The following ADGRD1 variants were observed in gnomAD, a reference collection of about 807,000 sequenced individuals.
The protein encoded by ADGRD1 is adhesion G protein-coupled receptor D1.
Under a neutral mutation model 113.4 loss-of-function variants are expected in ADGRD1, and 77 were observed. The ratio of observed to expected loss-of-function variants is 0.68; its 90% CI spans 0.57 to 0.82. The LOEUF (loss-of-function observed/expected upper bound fraction) is 0.82, where lower values mean the gene tolerates loss of function less well. ADGRD1 is among the 40% of genes least tolerant of loss of function. The pLI, the probability that ADGRD1 is intolerant of heterozygous loss-of-function variation, is 0.00. For synonymous variants in ADGRD1, 474 were observed against 475.0 expected (o/e 1.00, Z 0.03); for missense variants, 1,036 against 1,139.1 (o/e 0.91, Z 1.30).
chr12:130,989,328 C>T (rs1212147924), intron 6 of ADGRD1: 1 of 152,218 alleles, frequency 6.6e-6, no homozygotes, highest in East Asian at 1.9e-4. Context: ...GGTTCTTGTT[C>T]TTGTCAGAGC....
intron 13 of ADGRD1, among the ~76,000 whole-genome samples, chr12:131,046,881 GC>G (rs1882886458): frequency 7.0e-6 from 1 of 143,442 alleles, no homozygotes; most frequent in Non-Finnish European, 1.5e-5. Flanking sequence ...CCTGGTCAGT[GC>G]TCCCTCCCTG....
At position 131,057,155 on chromosome 12, in the gene ADGRD1, A is replaced by C. The variant is rs1883934759; in HGVS notation, c.1474-19646A>C. ...TGAAGTGGAGGAAATTGTTGCAGGA[A>C]ATAATCACAGGCTACCCCCGCTGTG... On this transcript the variant is annotated intron_variant, in intron 13 of 24. Coordinates refer to ENST00000261654, the MANE Select transcript of ADGRD1 (RefSeq NM_198827.5). This position sits in a 1 kb window ranked among gnomAD's most constrained non-coding sequence, Gnocchi z 4.2. 6.6e-6 allele frequency among the ~76,000 whole-genome samples: 1 copy of C among 152,170 alleles called. No individual in the cohort carries two copies. The highest frequency in any genetic ancestry group is 1.5e-5 in the Non-Finnish European group (1 of 68,032).
intron 13 of ADGRD1, among the ~76,000 whole-genome samples, chr12:131,063,031 G>A (rs879943582): frequency 3.3e-5 from 5 of 151,982 alleles, no homozygotes; most frequent in Non-Finnish European, 5.9e-5. Context: ...GGATATTCTC[G>A]TCAATAAAAT....
chr12:130,985,706 C>G (rs1397772909), intron 5 of ADGRD1, among the ~76,000 whole-genome samples: 1 of 152,054 alleles, frequency 6.6e-6, no homozygotes, highest in Non-Finnish European at 1.5e-5. Context: ...CACCTGCCAC[C>G]ACGCCCAGCT....
At chr12:131,036,694 CTG>C (rs1881468429) in intron 13 of ADGRD1, among the ~76,000 whole-genome samples, 3 of 122,270 alleles carry the variant, frequency 2.5e-5, no homozygotes, top group African/African-American at 2.7e-5. Context: ...GCCTCACTCA[CTG>C]CACCGGGCCT....
intron 21 of ADGRD1, 43 bp downstream of exon 21, chr12:131,131,859 C>T (rs1378192025): frequency 2.4e-6 from 3 of 1,274,028 alleles, no homozygotes; most frequent in Non-Finnish European, 2.3e-6. Flanking sequence ...GGCCCTTCTG[C>T]CCCCAGAGGA....
chr12:131,101,377 C>CTTTCTTTTTTT (rs1950076237), intron 15 of ADGRD1, among the ~76,000 whole-genome samples: 4 of 36,146 alleles, frequency 1.1e-4, no homozygotes, highest in African/African-American at 3.7e-4. Flanking sequence ...TTCTTTCTTT[C>CTTTCTTTTTTT]TTTTTTTTTT....
At chr12:130,997,190 C>CA (rs1428250747) in intron 8 of ADGRD1, among the ~76,000 whole-genome samples, 1 of 134,026 alleles carries the variant, frequency 7.5e-6, no homozygotes, top group African/African-American at 2.8e-5. Flanking sequence ...GGGGGCTGAC[C>CA]CCCCCCCCCG....
chr12:131,044,306 G>A (rs117895905), intron 13 of ADGRD1, among the ~76,000 whole-genome samples: 3,821 of 152,262 alleles, frequency 0.025, 81 homozygotes, highest in Middle Eastern at 0.034. Context: ...AAGCATCGGG[G>A]CCGAGGAGGC....
In ADGRD1 at chr12:130,999,558, G is replaced by T. The variant is rs567812683; in HGVS notation, c.967-825G>T. On this transcript the variant is annotated intron_variant, in intron 8 of 24. Transcript: ENST00000261654. Reference sequence around the variant, plus strand: ...TGAGTATTCTGGAGATGGCGGTTTGGTGGAAATATGGGAGAGTTCGGTCAG... The same window carrying T: ...TGAGTATTCTGGAGATGGCGGTTTGTTGGAAATATGGGAGAGTTCGGTCAG... 2.6e-5 allele frequency among the ~76,000 whole-genome samples: 4 copies of T among 152,342 alleles called. No individual in the cohort carries two copies. In the South Asian group the frequency reaches 6.2e-4, roughly 24 times the overall value.
intron 21 of ADGRD1, among the ~76,000 whole-genome samples, chr12:131,134,821 A>G (rs1322422009): frequency 6.6e-6 from 1 of 151,670 alleles, no homozygotes; most frequent in African/African-American, 2.4e-5. Context: ...CATTCATTCA[A>G]TGTTTATTTC....
chr12:130,969,214 C>T, intron 3 of ADGRD1: 1 of 619,212 alleles, frequency 1.6e-6, no homozygotes, highest in East Asian at 2.8e-5. Context: ...GACAGCAGAT[C>T]CAAGGTGTTA....
In ADGRD1 at chr12:131,027,954, G is replaced by C. The variant is rs1256977447; in HGVS notation, c.1473+13614G>C. The stretch of plus-strand genomic sequence containing the variant: ...AGCTGCCGGATGTTCTAGTGAGCGC[G>C]TTTCTGCTGGTGAACCTGACTGTGC... On this transcript the variant is annotated intron_variant, in intron 13 of 24. Coordinates refer to ENST00000261654, the MANE Select transcript of ADGRD1 (RefSeq NM_198827.5). The surrounding 1 kb of genome is among the most constrained non-coding windows in gnomAD (Gnocchi z 5.1). 1 of 152,226 alleles carries C rather than the reference G, an allele frequency of 6.6e-6. No homozygotes were observed. Among genetic ancestry groups the C allele is most frequent in the East Asian group, 1.9e-4 (1 of 5,192 alleles). The allele number at this position is 152,226 out of a possible 1,614,324, so 9.4% of individuals were successfully genotyped here.
intron 20 of ADGRD1, among the ~76,000 whole-genome samples, chr12:131,130,557 G>T (rs150819033): frequency 0.019 from 2,865 of 152,336 alleles, 46 homozygotes; most frequent in Non-Finnish European, 0.03. Flanking sequence ...CGGGAGCTGC[G>T]CGAGGAGGAA....
rs138449454 is a variant in ADGRD1, at chr12:131,089,437, T to C, written c.1671+4774T>C. ...CATTTATTGAATGCTGGCTGGTGAT[T>C]GTGGCCTTCACACAGCCGACCACCT... On this transcript the variant is annotated intron_variant, in intron 15 of 24. Coordinates refer to ENST00000261654, the MANE Select transcript of ADGRD1 (RefSeq NM_198827.5). Among the ~76,000 whole-genome samples the C allele has an allele frequency of 4.9e-4, 75 of 152,344 alleles. No individual in the cohort carries two copies. In the South Asian group the frequency reaches 6.4e-3, roughly 13 times the overall value.
intron 19 of ADGRD1, 125 bp downstream of exon 19, chr12:131,118,576 A>G: frequency 1.5e-6 from 1 of 651,318 alleles, no homozygotes; most frequent in Admixed American, 2.8e-5. Context: ...GCTGGCTCCC[A>G]CAGGCCCAGC....
chr12:130,954,955 CTT>C lies in ADGRD1; in HGVS notation c.103+297_103+298del. Among the ~76,000 whole-genome samples the C allele has an allele frequency of 6.6e-6, 1 of 151,778 alleles. No homozygotes were observed. On this transcript the variant is annotated intron_variant, in intron 2 of 24. Coordinates refer to ENST00000261654, the MANE Select transcript of ADGRD1 (RefSeq NM_198827.5). The surrounding 1 kb of genome is among the most constrained non-coding windows in gnomAD (Gnocchi z 4.7). Reference sequence around the variant, plus strand: ...ATGCCTTCTGCCTCTTTCTTTCTCTCTTTCTCTCTTTCTTCCTTTCTTCCTTT... The same window carrying C: ...ATGCCTTCTGCCTCTTTCTTTCTCTCTCTCTCTTTCTTCCTTTCTTCCTTT...
At chr12:130,970,265 T>G (rs1871459751) in intron 3 of ADGRD1, 1 of 152,212 alleles carries the variant, frequency 6.6e-6, no homozygotes, top group Non-Finnish European at 1.5e-5. Context: ...ACACAAAAAC[T>G]GACTGCTCTT....
At chr12:131,099,177 A>G (rs1950011579) in intron 15 of ADGRD1, among the ~76,000 whole-genome samples, 4 of 152,186 alleles carry the variant, frequency 2.6e-5, no homozygotes. Flanking sequence ...CAGAGCTCAC[A>G]TCACTCTGGT....
Sources: gnomAD v4.1 joint callset for allele counts (sites outside exome capture counted in the v4.1 genomes callset) on GRCh38, gnomAD v4.1.1 for gene constraint, Gnocchi (gnomAD v3.1) non-coding constraint, MANE v1.5 for transcripts, NCBI Gene and HGNC (gene_info 2026-07-23, HGNC 2026-07-21) for gene names.